Variants in MEGF6 observed in about 807,000 individuals in gnomAD.
MEGF6 encodes the protein multiple EGF like domains 6.
Under a neutral mutation model 207.1 loss-of-function variants are expected in MEGF6, and 184 were observed. The observed-to-expected ratio is 0.89, with a 90% confidence interval of 0.79 to 1.00. The LOEUF is 1.00. Among genes scored for constraint, MEGF6 ranks in the 50% least tolerant of loss-of-function variants. MEGF6 has a pLI of 0.00. For synonymous variants in MEGF6, 1,038 were observed against 910.0 expected, an observed-to-expected ratio of 1.14 and a Z score of -2.53; for missense variants, 2,282 against 2,202.9, an observed-to-expected ratio of 1.04 and a Z score of -0.72.
At chr1:3,604,081 C>A (rs1644204833) in intron 1 of MEGF6, among the ~76,000 whole-genome samples, 1 of 152,224 alleles carries the variant, frequency 6.6e-6, no homozygotes, top group African/African-American at 2.4e-5. Flanking sequence ...AGAGGAGGGA[C>A]CCTGGCCTCC....
intron 5 of MEGF6, among the ~76,000 whole-genome samples, chr1:3,519,283 GACAA>G (rs1478498085): frequency 2.6e-5 from 4 of 152,244 alleles, no homozygotes; most frequent in Non-Finnish European, 5.9e-5. Flanking sequence ...GGTCCCTATA[GACAA>G]GTGCTAGCAG....
At position 3,573,087 on chromosome 1, in the gene MEGF6, GTGCTGGGTCCTTCCTGGTA is replaced by G. The variant is rs1306893997; in HGVS notation, c.481+6719_481+6737del. Among the ~76,000 whole-genome samples the G allele has an allele frequency of 2.0e-5, 3 of 149,762 alleles. No individual in the cohort carries two copies. The East Asian group carries it at 6.1e-4, about 30-fold the overall frequency. Reference sequence around the variant, plus strand: ...CCTGGTGGGCTGGGTTCCCTCAGGTGTGCTGGGTCCTTCCTGGTATGCTGGGTCCTCCTGTGTGTGCTGG... The same window carrying G: ...CCTGGTGGGCTGGGTTCCCTCAGGTGTGCTGGGTCCTCCTGTGTGTGCTGG... On this transcript the variant is annotated intron_variant, in intron 4 of 36. Coordinates refer to ENST00000356575, the MANE Select transcript of MEGF6 (RefSeq NM_001409.4). This position sits in a 1 kb window ranked among gnomAD's most constrained non-coding sequence, Gnocchi z 5.1.
At position 3,565,975 on chromosome 1, in the gene MEGF6, T is replaced by G. The variant is rs753319349; in HGVS notation, c.481+13850A>C. On this transcript the variant is annotated intron_variant, in intron 4 of 36. Transcript: ENST00000356575. The surrounding 1 kb of genome is among the most constrained non-coding windows in gnomAD (Gnocchi z 4.8). ...TAGGACCCGCCGTGGACCACTGCCC[T>G]GCAGGTTCATAGAGCCCTGATCCCA... Among the ~76,000 whole-genome samples the G allele has an allele frequency of 7.9e-5, 12 of 152,174 alleles. No homozygotes were observed. Among genetic ancestry groups the G allele is most frequent in the Non-Finnish European group, 1.5e-4 (10 of 68,014 alleles).
At chr1:3,499,993 T>C in intron 21 of MEGF6, 69 bp from the exon 22 acceptor site, 1 of 1,487,142 alleles carries the variant, frequency 6.7e-7, no homozygotes, top group Non-Finnish European at 9.0e-7. Flanking sequence ...TGCCCGGGCC[T>C]TGCCGCCATC....
chr1:3,571,112 G>A, intron 4 of MEGF6, among the ~76,000 whole-genome samples: 1 of 152,172 alleles, frequency 6.6e-6, no homozygotes, highest in East Asian at 1.9e-4. Flanking sequence ...CAGAGAGAGG[G>A]TCTGGGGGAC....
In MEGF6 at chr1:3,547,756, G is replaced by A. The variant is rs959456592; in HGVS notation, c.482-23510C>T. 7.2e-4 allele frequency among the ~76,000 whole-genome samples: 109 copies of A among 152,200 alleles called. 1 individual carries two copies. The highest frequency in any genetic ancestry group is 8.3e-4 in the South Asian group (4 of 4,830). On this transcript the variant is annotated intron_variant, in intron 4 of 36. Coordinates refer to ENST00000356575, the MANE Select transcript of MEGF6 (RefSeq NM_001409.4). The stretch of plus-strand genomic sequence containing the variant: ...GAGCCCATGCCCTAGCCCGCCCTCC[G>A]TCTTTGCGGGTGCGGGAATGTGGCA...
At chr1:3,569,353 A>G (rs1643435433) in intron 4 of MEGF6, among the ~76,000 whole-genome samples, 1 of 152,224 alleles carries the variant, frequency 6.6e-6, no homozygotes, top group Non-Finnish European at 1.5e-5. Flanking sequence ...AAAGGCCAAT[A>G]CCAAGTCCAT....
At chr1:3,583,102 C>T (rs76429128) in intron 3 of MEGF6, among the ~76,000 whole-genome samples, 6 of 152,130 alleles carry the variant, frequency 3.9e-5, no homozygotes, top group African/African-American at 4.8e-5. Context: ...TGCAAGGGGA[C>T]GGAGGAGGAG....
chr1:3,586,237 C>T (rs1423379867), intron 3 of MEGF6, among the ~76,000 whole-genome samples: 3 of 151,896 alleles, frequency 2.0e-5, no homozygotes, highest in East Asian at 3.9e-4. Context: ...TGGGTGTGAG[C>T]GAGGAGACAT....
At chr1:3,595,254 C>A in intron 3 of MEGF6, 84 bp downstream of exon 3, 1 of 942,338 alleles carries the variant, frequency 1.1e-6, no homozygotes, top group African/African-American at 1.6e-5. Context: ...GCGATCCCCA[C>A]CAGGCCCGGG....
Position 3,611,438 on chromosome 1 carries a change from A to G in MEGF6, c.-170T>C, listed in dbSNP as rs1644325451. On this transcript the variant is annotated 5_prime_UTR_variant, in exon 1 of 37. Coordinates refer to ENST00000356575, the MANE Select transcript of MEGF6 (RefSeq NM_001409.4). ...GCGTCCCGGCTTCCCGCCCGCGCCCAAAGTGGCACCGCGGAGACCTGATCG... is the reference window on the plus strand; with the variant it reads ...GCGTCCCGGCTTCCCGCCCGCGCCCGAAGTGGCACCGCGGAGACCTGATCG... 7.3e-6 allele frequency: 7 copies of G among 957,362 alleles called. 1 individual carries two copies. The South Asian group carries it at 1.5e-4, about 21-fold the overall frequency. The allele number at this position is 957,362 out of a possible 1,614,324, so 59.3% of individuals were successfully genotyped here. A position where few individuals can be genotyped will look rare whatever the true frequency, so the allele number is the denominator to read the frequency against.
rs562228020 is a variant in MEGF6, at chr1:3,596,459, C to T, written c.267-1012G>A. 5.5e-5 allele frequency among the ~76,000 whole-genome samples: 8 copies of T among 145,594 alleles called. No homozygotes were observed. The South Asian group carries it at 1.8e-3, about 32-fold the overall frequency. On this transcript the variant is annotated intron_variant, in intron 2 of 36. Transcript: ENST00000356575. ...GCACCCTGCGCCATCCCCTGCCAAG[C>T]CCCCATCTCCACCCCAGGGCACCCC...
At position 3,611,264 on chromosome 1, in the gene MEGF6, G is replaced by C. The variant is rs770522758; in HGVS notation, c.5C>G (p.Ser2Trp). M[S>W]FLEEARAAGR... Reference sequence around the variant, plus strand: ...CGCTGCCCTCGCCTCTTCAAGGAACGACATCGTGCGCGCCGGTGCCTCCTC... The same window carrying C: ...CGCTGCCCTCGCCTCTTCAAGGAACCACATCGTGCGCGCCGGTGCCTCCTC... Residue 2 changes from serine (S) to tryptophan (W), a missense_variant, in exon 1 of 37, where the codon TCG becomes TGG. Ser to Trp is a radical substitution (Grantham distance 177). Coordinates refer to ENST00000356575, the MANE Select transcript of MEGF6 (RefSeq NM_001409.4). 7 of 1,480,504 alleles carry C rather than the reference G, an allele frequency of 4.7e-6. No homozygotes were observed. The highest frequency in any genetic ancestry group is 5.3e-6 in the Non-Finnish European group (6 of 1,124,056). The allele number at this position is 1,480,504 out of a possible 1,614,324, so 91.7% of individuals were successfully genotyped here.
chr1:3,529,356 C>T (rs560928024), intron 4 of MEGF6, among the ~76,000 whole-genome samples: 3 of 152,314 alleles, frequency 2.0e-5, no homozygotes, highest in East Asian at 3.9e-4. Context: ...GGACAACGGC[C>T]CACCCTGGAG....
intron 4 of MEGF6, among the ~76,000 whole-genome samples, chr1:3,551,946 G>T (rs1417576631): frequency 1.3e-5 from 2 of 152,206 alleles, no homozygotes; most frequent in Non-Finnish European, 2.9e-5. Context: ...ACCAAGCCTT[G>T]CTGGGTGCCC....
intron 9 of MEGF6, 51 bp from the exon 10 acceptor site, chr1:3,510,953 C>T: frequency 7.2e-7 from 1 of 1,391,346 alleles, no homozygotes; most frequent in South Asian, 1.4e-5. Flanking sequence ...TGCACGTGCA[C>T]ACGCCCCCAC....
chr1:3,493,650 G>C (rs921431980), intron 34 of MEGF6, 121 bp downstream of exon 34: 19 of 1,358,430 alleles, frequency 1.4e-5, no homozygotes, highest in Middle Eastern at 2.0e-4. Context: ...TCCAGGTGCA[G>C]AGGCAACAAG....
At chr1:3,602,336 T>C in intron 2 of MEGF6, 130 bp downstream of exon 2, 2 of 1,375,230 alleles carry the variant, frequency 1.5e-6, no homozygotes, top group Non-Finnish European at 2.0e-6. Flanking sequence ...AGATGAGGGC[T>C]TCAGGCAGGG....
chr1:3,609,841 C>T (rs1484772911), intron 1 of MEGF6, among the ~76,000 whole-genome samples: 1 of 152,190 alleles, frequency 6.6e-6, no homozygotes, highest in Non-Finnish European at 1.5e-5. Context: ...GCACTGGTGG[C>T]AGAGGCCCCT....
Sources: gnomAD v4.1 joint callset for allele counts (sites outside exome capture counted in the v4.1 genomes callset) on GRCh38, gnomAD v4.1.1 for gene constraint, Gnocchi (gnomAD v3.1) non-coding constraint, MANE v1.5 for transcripts, NCBI Gene and HGNC (gene_info 2026-07-23, HGNC 2026-07-21) for gene names.